The following TMEM71 variants were observed in gnomAD, a reference collection of about 807,000 sequenced individuals.
TMEM71 encodes transmembrane protein 71.
Under a neutral mutation model 38.0 loss-of-function variants are expected in TMEM71, and 44 were observed. That is an observed-to-expected ratio of 1.16 (90% CI 0.91 to 1.49). TMEM71 has a LOEUF of 1.49. Among genes scored for constraint, TMEM71 ranks in the 40% most tolerant of loss-of-function variants. The pLI is 0.00. For missense variants in TMEM71, 367 were observed against 348.6 expected (o/e 1.05, Z -0.42); for synonymous variants, 133 against 122.5 (o/e 1.09, Z -0.56).
In TMEM71 at chr8:132,747,031, C is replaced by A; in HGVS notation, c.398G>T (p.Ser133Ile). 6.2e-7 allele frequency: 1 copy of A among 1,613,830 alleles called. No homozygotes were observed. Among genetic ancestry groups the A allele is most frequent in the Non-Finnish European group, 8.5e-7 (1 of 1,179,904 alleles). The change falls in exon 5 of 10, where the codon AGT becomes ATT. Residue 133 changes from serine (S) to isoleucine (I), a missense_variant. By Grantham distance (142) the Ser-to-Ile change is moderately radical. Transcript: ENST00000677595. ...AGAAGAGTTGATGTCACCAAAGATACTTCCATGCAGCCAAGATTTGGAGGT... is the reference window on the plus strand; with the variant it reads ...AGAAGAGTTGATGTCACCAAAGATAATTCCATGCAGCCAAGATTTGGAGGT... ...LSTSKSWLHGSIFGDINSSPS... is the reference protein window; with the variant it reads ...LSTSKSWLHGIIFGDINSSPS...
chr8:132,742,330 G>A (rs146106839), intron 5 of TMEM71, among the ~76,000 whole-genome samples: 248 of 152,226 alleles, frequency 1.6e-3, no homozygotes, highest in African/African-American at 5.5e-3. Flanking sequence ...AGCCAAGATC[G>A]CGCCACTGCA....
chr8:132,745,191 T>G (rs1405283473), intron 5 of TMEM71, among the ~76,000 whole-genome samples: 1 of 152,052 alleles, frequency 6.6e-6, no homozygotes, highest in African/African-American at 2.4e-5. Context: ...CTAATTAAAC[T>G]AAAGAACTTC....
At chr8:132,709,564 G>GA (rs1407732378), downstream of TMEM71, among the ~76,000 whole-genome samples, 1 of 152,088 alleles carries the variant, frequency 6.6e-6, no homozygotes, top group Non-Finnish European at 1.5e-5. Context: ...TTTAAAGAGG[G>GA]AGGTAGAGGG....
At chr8:132,773,594 C>G in the TMEM71 span, among the ~76,000 whole-genome samples, 1 of 152,112 alleles carries the variant, frequency 6.6e-6, no homozygotes, top group East Asian at 1.9e-4. Context: ...AGGGGTTCTG[C>G]CAGAGTTCAG....
At chr8:132,725,046 C>CTTTTT (rs113090139) in intron 6 of TMEM71, among the ~76,000 whole-genome samples, 2 of 144,418 alleles carry the variant, frequency 1.4e-5, no homozygotes, top group Non-Finnish European at 3.0e-5. Flanking sequence ...TCTTTTTTTT[C>CTTTTT]TTTTTTTTTT....
At chr8:132,767,034 C>T in the TMEM71 span, among the ~76,000 whole-genome samples, 2 of 152,122 alleles carry the variant, frequency 1.3e-5, no homozygotes, top group African/African-American at 4.8e-5. Context: ...AGTAATGGGG[C>T]TATTCTGAAA....
chr8:132,775,084 A>C, the TMEM71 span, among the ~76,000 whole-genome samples: 4 of 152,364 alleles, frequency 2.6e-5, no homozygotes, highest in East Asian at 7.7e-4. Flanking sequence ...GGTCCTGGGT[A>C]AAGGGGTTTT....
intron 5 of TMEM71, among the ~76,000 whole-genome samples, chr8:132,737,520 C>A (rs1224379069): frequency 1.3e-5 from 2 of 152,192 alleles, no homozygotes; most frequent in Non-Finnish European, 2.9e-5. Context: ...GAGCTTTTTC[C>A]CAGGATTAAG....
At chr8:132,717,936 T>G (rs1427600142) in intron 7 of TMEM71, among the ~76,000 whole-genome samples, 1 of 152,224 alleles carries the variant, frequency 6.6e-6, no homozygotes, top group African/African-American at 2.4e-5. Context: ...TACTGATACA[T>G]GCTACAACAT....
intron 5 of TMEM71, among the ~76,000 whole-genome samples, chr8:132,730,677 A>G (rs1251874990): frequency 6.6e-6 from 1 of 152,218 alleles, no homozygotes; most frequent in Non-Finnish European, 1.5e-5. Context: ...TTATACCCAT[A>G]GTATGTCCTT....
intron 5 of TMEM71, among the ~76,000 whole-genome samples, chr8:132,733,448 C>T (rs1172316816): frequency 6.6e-6 from 1 of 152,176 alleles, no homozygotes; most frequent in African/African-American, 2.4e-5. Context: ...ACTGCGACTT[C>T]AAGAGAGGAG....
chr8:132,721,914 C>T (rs909011709), intron 7 of TMEM71, 126 bp downstream of exon 7: 1 of 809,914 alleles, frequency 1.2e-6, no homozygotes, highest in African/African-American at 1.7e-5. Context: ...CATGGACAGA[C>T]ACATGAACGA....
At chr8:132,721,850 T>C (rs981452188) in intron 7 of TMEM71, among the ~76,000 whole-genome samples, 190 bp downstream of exon 7, 10 of 152,178 alleles carry the variant, frequency 6.6e-5, no homozygotes, top group African/African-American at 2.4e-4. Flanking sequence ...TTCTAGGTTT[T>C]GTATGCTTTG....
chr8:132,756,741 C>T (rs1159593357), intron 3 of TMEM71, among the ~76,000 whole-genome samples: 1 of 151,812 alleles, frequency 6.6e-6, no homozygotes, highest in Admixed American at 6.6e-5. Flanking sequence ...CACATACCAT[C>T]ATGCCCGGCT....
chr8:132,707,583 T>C (rs1826112292), downstream of TMEM71, among the ~76,000 whole-genome samples: 1 of 152,116 alleles, frequency 6.6e-6, no homozygotes, highest in Non-Finnish European at 1.5e-5. Flanking sequence ...CTTTCCTCCC[T>C]TTGGCCTTCT....
chr8:132,716,044 C>A (rs1447961655), intron 7 of TMEM71, among the ~76,000 whole-genome samples: 2 of 152,144 alleles, frequency 1.3e-5, no homozygotes, highest in African/African-American at 2.4e-5. Context: ...CCCGAGGGAG[C>A]CGAGAACAGG....
intron 3 of TMEM71, among the ~76,000 whole-genome samples, chr8:132,756,501 C>A (rs1829028784): frequency 7.0e-6 from 1 of 142,804 alleles, no homozygotes. Flanking sequence ...AAAGAAATAA[C>A]CTTTCAAAAC....
At chr8:132,766,798 AAAAT>A in the TMEM71 span, among the ~76,000 whole-genome samples, 1 of 54,546 alleles carries the variant, frequency 1.8e-5, no homozygotes, top group Non-Finnish European at 5.6e-5. Context: ...AAAAAAAATA[AAAAT>A]AAAAAAGATG....
At chr8:132,718,750 G>A (rs1304148920) in intron 7 of TMEM71, among the ~76,000 whole-genome samples, 1 of 152,162 alleles carries the variant, frequency 6.6e-6, no homozygotes, top group Non-Finnish European at 1.5e-5. Context: ...AGCAATGATG[G>A]AGCATGTCTG....
Sources: gnomAD v4.1 joint callset for allele counts (sites outside exome capture counted in the v4.1 genomes callset) on GRCh38, gnomAD v4.1.1 for gene constraint, MANE v1.5 for transcripts, NCBI Gene and HGNC (gene_info 2026-07-23, HGNC 2026-07-21) for gene names.